The following NEBL variants were observed in gnomAD, a reference collection of about 807,000 sequenced individuals.
The protein encoded by NEBL is nebulette.
NEBL carries 122 observed loss-of-function variants against 140.2 expected under a neutral mutation model. That is an observed-to-expected ratio of 0.87 (90% CI 0.75 to 1.01). The LOEUF (loss-of-function observed/expected upper bound fraction) is 1.01. Among genes scored for constraint, NEBL ranks in the 50% least tolerant of loss-of-function variants. The probability of loss-of-function intolerance (pLI) is 0.00; values close to 1 mark genes in which losing one functional copy is unlikely to be tolerated. For synonymous variants in NEBL, 436 were observed against 398.9 expected (o/e 1.09, Z -1.11); for missense variants, 1,365 against 1,231.3 (o/e 1.11, Z -1.62).
intron 3 of NEBL, among the ~76,000 whole-genome samples, chr10:21,188,021 C>T (rs1366743705): frequency 6.6e-6 from 1 of 152,002 alleles, no homozygotes; most frequent in African/African-American, 2.4e-5. Context: ...CTTCACGGAG[C>T]CTTCATCAAT....
intron 2 of NEBL, among the ~76,000 whole-genome samples, chr10:21,061,798 C>A (rs1269212053): frequency 6.6e-6 from 1 of 152,186 alleles, no homozygotes; most frequent in African/African-American, 2.4e-5. Context: ...AATAATATGA[C>A]TGCTTGGCAG....
At chr10:20,950,607 C>T (rs1454242966) in intron 4 of NEBL, among the ~76,000 whole-genome samples, 1 of 152,068 alleles carries the variant, frequency 6.6e-6, no homozygotes, top group African/African-American at 2.4e-5. Context: ...ATGTCCAGAC[C>T]CAATGTTTCA....
At chr10:21,110,804 G>A (rs1589244292) in intron 2 of NEBL, 2 of 588,686 alleles carry the variant, frequency 3.4e-6, no homozygotes, top group Admixed American at 1.9e-5. Flanking sequence ...GTCAGGTTAG[G>A]GACTCATGCA....
At chr10:21,134,025 G>A (rs117367962) in intron 2 of NEBL, among the ~76,000 whole-genome samples, 5,937 of 152,150 alleles carry the variant, frequency 0.039, 163 homozygotes, top group Middle Eastern at 0.061. Flanking sequence ...TCAGGAGTTC[G>A]AGGTCAGCCT....
chr10:21,253,647 G>A (rs1244571767), intron 1 of NEBL, among the ~76,000 whole-genome samples: 9 of 149,848 alleles, frequency 6.0e-5, no homozygotes, highest in Admixed American at 6.8e-5. Flanking sequence ...GGGTTCAAGC[G>A]CTTCTCCTGC....
At chr10:20,910,802 T>G (rs985613557) in intron 4 of NEBL, among the ~76,000 whole-genome samples, 1 of 148,370 alleles carries the variant, frequency 6.7e-6, no homozygotes, top group African/African-American at 2.5e-5. Flanking sequence ...TCAAACCACT[T>G]TTTTTGTTTG....
chr10:21,062,445 G>A (rs1835346788), intron 2 of NEBL, among the ~76,000 whole-genome samples: 1 of 152,016 alleles, frequency 6.6e-6, no homozygotes, highest in Admixed American at 6.6e-5. Flanking sequence ...AGAATTACTT[G>A]AGCCCAGGAG....
At chr10:20,868,335 T>C (rs879897624) in intron 7 of NEBL, 83 of 269,620 alleles carry the variant, frequency 3.1e-4, no homozygotes, top group Admixed American at 2.2e-3. Context: ...TGTGTGTGTG[T>C]GTGTGTAGGT....
In NEBL at chr10:20,938,215, C is replaced by T. The variant is rs574491322; in HGVS notation, c.357+23457G>A. Among the ~76,000 whole-genome samples, 14 of 152,304 alleles carry T rather than the reference C, an allele frequency of 9.2e-5. No homozygotes were observed. In the South Asian group the frequency reaches 1.5e-3, roughly 16 times the overall value. Reference sequence around the variant, plus strand: ...AGTAGGGGCAGACTGACACCTCACACGGCTGGGTACTCCTCTGAGACAAAA... The same window carrying T: ...AGTAGGGGCAGACTGACACCTCACATGGCTGGGTACTCCTCTGAGACAAAA... On this transcript the variant is annotated intron_variant, in intron 4 of 6. Transcript: ENST00000417816.
At chr10:21,159,096 A>G (rs1350627494) in intron 2 of NEBL, among the ~76,000 whole-genome samples, 1 of 152,212 alleles carries the variant, frequency 6.6e-6, no homozygotes, top group Non-Finnish European at 1.5e-5. Flanking sequence ...GGTATGTCCT[A>G]TGATGCTTTT....
intron 13 of NEBL, among the ~76,000 whole-genome samples, chr10:20,838,751 T>A (rs1841129739): frequency 6.6e-6 from 1 of 152,120 alleles, no homozygotes; most frequent in Non-Finnish European, 1.5e-5. Flanking sequence ...GCAGCCACCA[T>A]CCTGATCAGT....
At chr10:21,070,200 T>C (rs746366566) in intron 2 of NEBL, among the ~76,000 whole-genome samples, 2 of 152,212 alleles carry the variant, frequency 1.3e-5, no homozygotes, top group African/African-American at 4.8e-5. Context: ...GAAAGTGCTC[T>C]AGGATTGTTA....
At chr10:21,053,745 G>T (rs1165330880) in intron 2 of NEBL, among the ~76,000 whole-genome samples, 1 of 152,108 alleles carries the variant, frequency 6.6e-6, no homozygotes, top group African/African-American at 2.4e-5. Flanking sequence ...TAAGAAGTAT[G>T]CCTAGGGCTG....
At chr10:20,929,855 G>A (rs11012399) in intron 4 of NEBL, among the ~76,000 whole-genome samples, 4,475 of 152,112 alleles carry the variant, frequency 0.029, 93 homozygotes, top group Non-Finnish European at 0.046. Flanking sequence ...CTAAAAGCCC[G>A]GACTTCACCA....
At chr10:20,883,178 A>G (rs553664647) in intron 4 of NEBL, among the ~76,000 whole-genome samples, 1 of 152,232 alleles carries the variant, frequency 6.6e-6, no homozygotes, top group Non-Finnish European at 1.5e-5. Flanking sequence ...CATGTTAAAC[A>G]TTATTAACAC....
intron 3 of NEBL, among the ~76,000 whole-genome samples, chr10:21,231,909 G>A (rs1487918483): frequency 6.6e-6 from 1 of 152,154 alleles, no homozygotes; most frequent in African/African-American, 2.4e-5. Flanking sequence ...ATGGCAGGAT[G>A]GGAGGCCAGA....
chr10:21,113,212 C>A, intron 2 of NEBL: 1 of 306,280 alleles, frequency 3.3e-6, no homozygotes, highest in Non-Finnish European at 6.0e-6. Flanking sequence ...GATGCTCCAG[C>A]CAAAAATGCA....
intron 1 of NEBL, among the ~76,000 whole-genome samples, chr10:21,276,575 C>T (rs1378947519): frequency 6.6e-6 from 1 of 152,132 alleles, no homozygotes; most frequent in African/African-American, 2.4e-5. Context: ...GCCTATAATC[C>T]CAGCCTTTGG....
intron 3 of NEBL, chr10:21,218,269 C>G (rs946798919): frequency 1.3e-5 from 2 of 152,196 alleles, no homozygotes; most frequent in Non-Finnish European, 2.9e-5. Context: ...CCAGCCCCAC[C>G]GTTACCATCG....
Sources: allele counts gnomAD v4.1 joint callset (sites outside exome capture counted in the v4.1 genomes callset), GRCh38; gene constraint gnomAD v4.1.1; transcripts MANE v1.5; gene names NCBI Gene and HGNC (gene_info 2026-07-23, HGNC 2026-07-21).